Variants in SLC37A3 observed in about 807,000 individuals in gnomAD.
SLC37A3 encodes the protein solute carrier family 37 member 3.
A neutral mutation model predicts 67.1 loss-of-function variants in SLC37A3; 51 were observed. That is an observed-to-expected ratio of 0.76 (90% CI 0.61 to 0.96). The LOEUF is 0.96. SLC37A3 is among the 40% of genes least tolerant of loss of function. SLC37A3 has a pLI of 0.00. For synonymous variants in SLC37A3, 214 were observed against 231.4 expected (o/e 0.92, Z 0.68); for missense variants, 508 against 603.0 (o/e 0.84, Z 1.65).
chr7:140,393,944 A>G (rs897544082), intron 1 of SLC37A3, among the ~76,000 whole-genome samples: 1 of 151,822 alleles, frequency 6.6e-6, no homozygotes, highest in African/African-American at 2.4e-5. Context: ...GCCAAGGCAG[A>G]CAGACGGCTT....
chr7:140,384,877 GATCT>G (rs2129853980), intron 1 of SLC37A3, among the ~76,000 whole-genome samples: 1 of 152,278 alleles, frequency 6.6e-6, no homozygotes, highest in Non-Finnish European at 1.5e-5. Context: ...TTGGCTCTCA[GATCT>G]ATGTTCACTG....
intron 3 of SLC37A3, among the ~76,000 whole-genome samples, chr7:140,378,769 C>T (rs1798130404): frequency 6.6e-6 from 1 of 151,932 alleles, no homozygotes; most frequent in Non-Finnish European, 1.5e-5. Context: ...TGATTCTGGC[C>T]GGGCGCAGTG....
chr7:140,344,601 C>T (rs1289920073), intron 12 of SLC37A3, among the ~76,000 whole-genome samples: 1 of 151,922 alleles, frequency 6.6e-6, no homozygotes, highest in Non-Finnish European at 1.5e-5. Context: ...ACTAAAAATA[C>T]AAAAATTAGC....
intron 5 of SLC37A3, among the ~76,000 whole-genome samples, chr7:140,361,196 G>T (rs1797254929): frequency 1.2e-5 from 1 of 84,052 alleles, no homozygotes; most frequent in East Asian, 4.2e-4. Flanking sequence ...AAAGGAGCAG[G>T]ATAGGGCCAG....
intron 1 of SLC37A3, among the ~76,000 whole-genome samples, chr7:140,396,227 C>T (rs1166254368): frequency 6.6e-6 from 1 of 151,902 alleles, no homozygotes; most frequent in East Asian, 1.9e-4. Context: ...GCTATGTTAA[C>T]CAGTCTGGTC....
At chr7:140,369,040 A>G (rs1797717167) in intron 4 of SLC37A3, among the ~76,000 whole-genome samples, 1 of 152,074 alleles carries the variant, frequency 6.6e-6, no homozygotes, top group Admixed American at 6.6e-5. Context: ...CTCAAGGTTA[A>G]AGCCAAAGCC....
intron 5 of SLC37A3, among the ~76,000 whole-genome samples, chr7:140,363,835 G>T (rs2117168264): frequency 6.6e-6 from 1 of 150,602 alleles, no homozygotes; most frequent in African/African-American, 2.4e-5. Flanking sequence ...GAAGCAGAGT[G>T]ACAAATATGA....
intron 4 of SLC37A3, among the ~76,000 whole-genome samples, chr7:140,364,810 A>C (rs1797535414): frequency 2.6e-5 from 4 of 152,278 alleles, no homozygotes; most frequent in Admixed American, 2.6e-4. Context: ...GTTTTACTTG[A>C]TTCCCTAACT....
At chr7:140,372,474 A>G (rs1438233448) in intron 3 of SLC37A3, among the ~76,000 whole-genome samples, 5 of 152,220 alleles carry the variant, frequency 3.3e-5, no homozygotes, top group Non-Finnish European at 7.3e-5. Context: ...GCTGCACCTT[A>G]GCATAAACCA....
intron 13 of SLC37A3, among the ~76,000 whole-genome samples, chr7:140,338,809 A>C (rs1158756459): frequency 6.6e-6 from 1 of 151,848 alleles, no homozygotes; most frequent in Non-Finnish European, 1.5e-5. Context: ...TCTGTCACCC[A>C]GGCTGGAGTA....
intron 9 of SLC37A3, 72 bp from the exon 10 acceptor site, chr7:140,348,839 A>AAAAGC (rs1426408497): frequency 6.4e-7 from 1 of 1,565,748 alleles, no homozygotes; most frequent in Non-Finnish European, 8.7e-7. Context: ...AATGTCATTT[A>AAAAGC]AAAGCAAAAC....
At chr7:140,388,223 A>C (rs1195912280) in intron 1 of SLC37A3, among the ~76,000 whole-genome samples, 1 of 151,718 alleles carries the variant, frequency 6.6e-6, no homozygotes, top group African/African-American at 2.4e-5. Flanking sequence ...ACTTGAGCCC[A>C]GGAGTTTGAG....
chr7:140,356,862 C>G (rs147970020), intron 6 of SLC37A3, among the ~76,000 whole-genome samples: 2 of 152,166 alleles, frequency 1.3e-5, no homozygotes. Context: ...CCCTTATGCT[C>G]TGCTGATGGG....
chr7:140,374,528 A>G (rs1797948371), intron 3 of SLC37A3, among the ~76,000 whole-genome samples: 1 of 150,132 alleles, frequency 6.7e-6, no homozygotes, highest in Non-Finnish European at 1.5e-5. Flanking sequence ...TTTAGATTTT[A>G]GAATATTAAA....
intron 4 of SLC37A3, among the ~76,000 whole-genome samples, chr7:140,365,060 G>C (rs1160787231): frequency 6.6e-6 from 1 of 152,136 alleles, no homozygotes; most frequent in Non-Finnish European, 1.5e-5. Flanking sequence ...TGACCCTTGG[G>C]TTTCATGACA....
chr7:140,345,472 A>G (rs34698154), intron 11 of SLC37A3, among the ~76,000 whole-genome samples: 14,202 of 152,236 alleles, frequency 0.093, 930 homozygotes, highest in East Asian at 0.3. Flanking sequence ...TCTAAAAGCT[A>G]AAGAAAAGCT....
chr7:140,358,479 G>A (rs1463471365), intron 6 of SLC37A3, among the ~76,000 whole-genome samples, 161 bp downstream of exon 6: 1 of 152,084 alleles, frequency 6.6e-6, no homozygotes, highest in Non-Finnish European at 1.5e-5. Context: ...CATTTCCAAC[G>A]CACACTGACG....
At chr7:140,380,550 A>C (rs932739598) in intron 2 of SLC37A3, among the ~76,000 whole-genome samples, 160 bp from the exon 3 acceptor site, 4 of 152,120 alleles carry the variant, frequency 2.6e-5, no homozygotes, top group Admixed American at 2.6e-4. Context: ...TCTCAATTTT[A>C]TTTCTTTTTA....
At chr7:140,386,424 TACG>T (rs1208631841) in intron 1 of SLC37A3, among the ~76,000 whole-genome samples, 2 of 150,384 alleles carry the variant, frequency 1.3e-5, no homozygotes, top group Admixed American at 1.3e-4. Context: ...AGACGAATAC[TACG>T]ACATTTGGTC....
Sources: allele counts gnomAD v4.1 joint callset (sites outside exome capture counted in the v4.1 genomes callset), GRCh38; gene constraint gnomAD v4.1.1; transcripts MANE v1.5; gene names NCBI Gene and HGNC (gene_info 2026-07-23, HGNC 2026-07-21).